LAMA1: variants seen among roughly 807,000 people sequenced by gnomAD.
LAMA1 encodes laminin subunit alpha 1.
Under a neutral mutation model 348.7 loss-of-function variants are expected in LAMA1, and 219 were observed. The ratio of observed to expected loss-of-function variants is 0.63; its 90% confidence interval spans 0.56 to 0.70. The LOEUF is 0.70. Ranked by LOEUF, LAMA1 falls within the 30% of genes least tolerant of loss-of-function variation. The pLI is 0.00. For missense variants in LAMA1, 3,744 were observed against 3,888.0 expected, an observed-to-expected ratio of 0.96 and a Z score of 0.99; for synonymous variants, 1,487 against 1,491.0, an observed-to-expected ratio of 1.00 and a Z score of 0.06.
intron 1 of LAMA1, among the ~76,000 whole-genome samples, chr18:7,098,740 GC>G (rs1362566791): frequency 2.1e-5 from 3 of 143,582 alleles, no homozygotes; most frequent in Non-Finnish European, 4.6e-5. Context: ...CCCCCGCCCG[GC>G]CAGCCACCCC....
intron 1 of LAMA1, among the ~76,000 whole-genome samples, chr18:7,088,910 G>C (rs971809585): frequency 2.6e-5 from 4 of 152,102 alleles, no homozygotes; most frequent in Non-Finnish European, 5.9e-5. Context: ...GGGAGACTGA[G>C]GCAAGAGGAT....
At chr18:6,975,869 T>C in intron 45 of LAMA1, 68 bp downstream of exon 45, 2 of 1,602,262 alleles carry the variant, frequency 1.2e-6, no homozygotes, top group South Asian at 2.2e-5. Flanking sequence ...GTCAAATAAG[T>C]GAAAATTCAG....
rs776900656 is a variant in LAMA1, at chr18:6,956,649, G to A, written c.8081C>T (p.Pro2694Leu). 3.7e-6 allele frequency: 6 copies of A among 1,614,092 alleles called. No individual in the cohort carries two copies. The highest frequency in any genetic ancestry group is 5.1e-6 in the Non-Finnish European group (6 of 1,180,032). Residue 2694 changes from proline (P) to leucine (L), a missense_variant, in exon 56 of 63, where the codon CCC becomes CTC. Physicochemically the swap from Pro to Leu is moderately conservative, Grantham distance 98 (BLOSUM62 -3). Coordinates refer to ENST00000389658, the MANE Select transcript of LAMA1 (RefSeq NM_005559.4). ...AGCCGCTCCTACTGGAAAAGCCCGG[G>A]GCTCTGGCAAGAGCTTGCTGTCCTC... is the stretch of plus-strand genomic sequence containing the variant. ...DAEDSKLLPE[P>L]RAFPEQCVVD...
intron 16 of LAMA1, 117 bp from the exon 17 acceptor site, chr18:7,026,223 C>T: frequency 1.6e-6 from 2 of 1,261,998 alleles, no homozygotes. Flanking sequence ...AAACCAGTCA[C>T]CAACCTCTGA....
chr18:7,043,368 A>G lies in LAMA1; in HGVS notation c.1014T>C (p.Tyr338=), dbSNP rs2058028646. Residue 338 remains tyrosine (Y), a synonymous_variant, in exon 8 of 63, where the codon TAT becomes TAC. Coordinates refer to ENST00000389658, the MANE Select transcript of LAMA1 (RefSeq NM_005559.4). ...NCHNKAKDCY[Y]DESVAKQKKS... is the part of the protein sequence containing the mutation. ...TCTTCTGCTTTGCAACACTTTCATC[A>G]TAGTAACAGTCTTTGGCTTTATTGT... is the stretch of plus-strand genomic sequence containing the variant. The G allele has an allele frequency of 6.2e-7, 1 of 1,613,842 alleles. No homozygotes were observed. Among genetic ancestry groups the G allele is most frequent in the Non-Finnish European group, 8.5e-7 (1 of 1,180,022 alleles).
Position 7,012,826 on chromosome 18 carries a change from C to T in LAMA1, c.3364-688G>A, listed in dbSNP as rs978237498. 4.0e-5 allele frequency among the ~76,000 whole-genome samples: 6 copies of T among 151,168 alleles called. No homozygotes were observed. In the East Asian group the frequency reaches 1.0e-3, roughly 25 times the overall value. ...GGCCCAGGTGATTATTAAGACAAGG[C>T]CTGCTGCTCTACTCGTCTATCATCA... On this transcript the variant is annotated intron_variant, in intron 23 of 62. Coordinates refer to ENST00000389658, the MANE Select transcript of LAMA1 (RefSeq NM_005559.4).
At position 6,986,279 on chromosome 18, in the gene LAMA1, A is replaced by C; in HGVS notation, c.5237T>G (p.Leu1746Trp). 6.2e-7 allele frequency: 1 copy of C among 1,614,192 alleles called. No homozygotes were observed. Among genetic ancestry groups the C allele is most frequent in the Non-Finnish European group, 8.5e-7 (1 of 1,180,050 alleles). ...AAGGACGTGGCTTGCTGCTTCTTTCAATACCTCCAATTCTTCCAGCGGCTT... is the reference window on the plus strand; with the variant it reads ...AAGGACGTGGCTTGCTGCTTCTTTCCATACCTCCAATTCTTCCAGCGGCTT... The part of the protein sequence containing the change: ...YQKPLEELEV[L>W]KEAASHVLSK... The change falls in exon 37 of 63, where the codon TTG becomes TGG. Residue 1746 changes from leucine (L) to tryptophan (W), a missense_variant. By Grantham distance (61) the Leu-to-Trp change is moderately conservative (BLOSUM62 -2). Transcript: ENST00000389658.
chr18:7,117,691 C>T lies in LAMA1; in HGVS notation c.30G>A (p.Leu10=). Residue 10 remains leucine, a synonymous_variant, in exon 1 of 63, where the codon CTG becomes CTA. Transcript: ENST00000389658. ...GCCGGCACTGCGCGGCGACACACAG[C>T]AGCAAGACCAGGAGCACGCCCCCGC... MRGGVLLVL[L]LCVAAQCRQR... The T allele has an allele frequency of 6.3e-7, 1 of 1,599,050 alleles. No individual in the cohort carries two copies. Among genetic ancestry groups the T allele is most frequent in the Non-Finnish European group, 8.5e-7 (1 of 1,178,624 alleles).
At chr18:6,972,095 TGA>T (rs1169230772) in intron 47 of LAMA1, 114 bp from the exon 48 acceptor site, 2 of 1,276,764 alleles carry the variant, frequency 1.6e-6, no homozygotes, top group Non-Finnish European at 2.2e-6. Context: ...ATCCAAATTT[TGA>T]GAGAGCCACA....
chr18:7,058,125 A>G (rs2058089839), intron 3 of LAMA1, among the ~76,000 whole-genome samples: 1 of 152,008 alleles, frequency 6.6e-6, no homozygotes, highest in Non-Finnish European at 1.5e-5. Flanking sequence ...TTTCAATACC[A>G]TGTTCCAGTA....
intron 21 of LAMA1, among the ~76,000 whole-genome samples, chr18:7,016,151 C>T (rs8085864): frequency 0.34 from 52,004 of 152,000 alleles, 9,223 homozygotes; most frequent in Middle Eastern, 0.55. Flanking sequence ...GCACTTACTG[C>T]AGGCCCAATG....
At chr18:6,951,752 G>T (rs2057547953) in intron 57 of LAMA1, among the ~76,000 whole-genome samples, 1 of 152,200 alleles carries the variant, frequency 6.6e-6, no homozygotes, top group African/African-American at 2.4e-5. Context: ...TGGGGACTCA[G>T]AACAGATTCA....
At chr18:7,029,406 A>C (rs1169495057) in intron 16 of LAMA1, among the ~76,000 whole-genome samples, 1 of 152,238 alleles carries the variant, frequency 6.6e-6, no homozygotes, top group East Asian at 1.9e-4. Context: ...GTTGAGCTAA[A>C]AGTATTCTGC....
chr18:6,969,054 A>G (rs2057646566), intron 48 of LAMA1, among the ~76,000 whole-genome samples: 1 of 152,220 alleles, frequency 6.6e-6, no homozygotes, highest in Non-Finnish European at 1.5e-5. Flanking sequence ...CGGTTCAATC[A>G]ATTTACAAAC....
At chr18:6,947,101 T>C (rs1221706843) in intron 61 of LAMA1, 62 bp downstream of exon 61, 2 of 1,605,672 alleles carry the variant, frequency 1.2e-6, no homozygotes, top group Non-Finnish European at 1.7e-6. Context: ...ATCTGCTGTT[T>C]CTCAATTGCT....
intron 3 of LAMA1, among the ~76,000 whole-genome samples, chr18:7,054,286 A>C (rs1299860475): frequency 1.3e-5 from 2 of 152,192 alleles, no homozygotes; most frequent in African/African-American, 4.8e-5. Flanking sequence ...CCTTGTCATA[A>C]GGCTCTGGAC....
At chr18:7,092,821 C>T (rs983570030) in intron 1 of LAMA1, among the ~76,000 whole-genome samples, 13 of 152,042 alleles carry the variant, frequency 8.6e-5, no homozygotes, top group African/African-American at 3.1e-4. Context: ...ATACATCATA[C>T]ATCATAATAC....
intron 40 of LAMA1, 115 bp from the exon 41 acceptor site, chr18:6,982,705 C>A: frequency 1.1e-6 from 1 of 875,450 alleles, no homozygotes; most frequent in East Asian, 2.4e-5. Flanking sequence ...GCAAGAAAGT[C>A]AGCCAGGTAC....
At chr18:7,072,533 G>C (rs552405034) in intron 3 of LAMA1, among the ~76,000 whole-genome samples, 1 of 152,312 alleles carries the variant, frequency 6.6e-6, no homozygotes, top group South Asian at 2.1e-4. Flanking sequence ...TCTCTCGGCT[G>C]AGAACCAAGA....
Sources: gnomAD v4.1 joint callset for allele counts (sites outside exome capture counted in the v4.1 genomes callset) on GRCh38, gnomAD v4.1.1 for gene constraint, MANE v1.5 for transcripts, NCBI Gene and HGNC (gene_info 2026-07-23, HGNC 2026-07-21) for gene names.